MARCHF8: variants seen among roughly 807,000 people sequenced by gnomAD.
The protein encoded by MARCHF8 is E3 ubiquitin-protein ligase MARCHF8.
Under a neutral mutation model 51.6 loss-of-function variants are expected in MARCHF8, and 40 were observed. That is an observed-to-expected ratio of 0.77 (90% CI 0.60 to 1.01). The LOEUF is 1.01. Ranked by LOEUF, MARCHF8 falls within the 50% of genes least tolerant of loss-of-function variation. The probability of loss-of-function intolerance (pLI) is 0.00; values close to 1 mark genes in which losing one functional copy is unlikely to be tolerated. For synonymous variants in MARCHF8, 263 were observed against 280.3 expected (o/e 0.94, Z 0.62); for missense variants, 685 against 708.6 (o/e 0.97, Z 0.38).
intron 3 of MARCHF8, among the ~76,000 whole-genome samples, chr10:45,478,195 A>G (rs2042821211): frequency 6.6e-6 from 1 of 152,224 alleles, no homozygotes; most frequent in African/African-American, 2.4e-5. Flanking sequence ...AAAAATTGAA[A>G]TCATGTCAAG....
At chr10:45,594,786 C>T (rs1449182261) in exon 1 of MARCHF8, 1 of 152,382 alleles carries the variant, frequency 6.6e-6, no homozygotes, top group African/African-American at 2.4e-5. Flanking sequence ...GGGCTCTGAG[C>T]TGGCGGCGCT....
chr10:45,542,108 G>A (rs1344234317), intron 1 of MARCHF8, among the ~76,000 whole-genome samples: 2 of 152,154 alleles, frequency 1.3e-5, no homozygotes, highest in Non-Finnish European at 2.9e-5. Context: ...CACTCTGGGA[G>A]GCTGAGGCAG....
intron 1 of MARCHF8, among the ~76,000 whole-genome samples, chr10:45,558,923 A>G (rs1028691704): frequency 5.3e-5 from 8 of 152,248 alleles, no homozygotes; most frequent in Non-Finnish European, 1.0e-4. Flanking sequence ...TAGTAAAATC[A>G]GAAAAAAGAA....
intron 1 of MARCHF8, among the ~76,000 whole-genome samples, chr10:45,547,695 T>A (rs146083000): frequency 2.0e-5 from 3 of 152,204 alleles, no homozygotes; most frequent in Non-Finnish European, 2.9e-5. Context: ...TGTTCCTGTC[T>A]TTGTTGTAGT....
intron 3 of MARCHF8, among the ~76,000 whole-genome samples, chr10:45,488,498 C>T (rs528805347): frequency 5.9e-5 from 9 of 152,192 alleles, no homozygotes; most frequent in Admixed American, 1.3e-4. Flanking sequence ...ACCCATGGGA[C>T]GTGACCAACT....
chr10:45,583,023 A>C (rs1361827256), intron 1 of MARCHF8, among the ~76,000 whole-genome samples: 1 of 152,248 alleles, frequency 6.6e-6, no homozygotes, highest in African/African-American at 2.4e-5. Flanking sequence ...AAGGCAATGC[A>C]TAATATTTAA....
At chr10:45,567,127 A>G (rs1175810442) in intron 1 of MARCHF8, among the ~76,000 whole-genome samples, 3 of 152,010 alleles carry the variant, frequency 2.0e-5, no homozygotes, top group African/African-American at 7.2e-5. Context: ...GGATTATTAC[A>G]TTATTTTTTC....
intron 3 of MARCHF8, among the ~76,000 whole-genome samples, chr10:45,471,398 T>C (rs1385279397): frequency 6.6e-6 from 1 of 152,198 alleles, no homozygotes; most frequent in African/African-American, 2.4e-5. Flanking sequence ...ATAAATTACA[T>C]TGAAGACAAT....
At chr10:45,552,999 C>T (rs541912009) in intron 1 of MARCHF8, 2 of 152,146 alleles carry the variant, frequency 1.3e-5, no homozygotes, top group Non-Finnish European at 2.9e-5. Context: ...TCCATACAGG[C>T]ATATTACTTT....
chr10:45,473,520 G>C (rs912713560), intron 3 of MARCHF8, among the ~76,000 whole-genome samples: 2 of 152,200 alleles, frequency 1.3e-5, no homozygotes, highest in African/African-American at 2.4e-5. Context: ...TCCCAGGGTT[G>C]AATGAGAAGG....
chr10:45,539,210 G>T (rs1245631741), upstream of MARCHF8, among the ~76,000 whole-genome samples: 1 of 152,208 alleles, frequency 6.6e-6, no homozygotes, highest in Non-Finnish European at 1.5e-5. Flanking sequence ...ACCTGCCCCT[G>T]AATGACTACT....
At chr10:45,547,332 A>G (rs2044139375) in intron 1 of MARCHF8, among the ~76,000 whole-genome samples, 1 of 152,160 alleles carries the variant, frequency 6.6e-6, no homozygotes, top group South Asian at 2.1e-4. Context: ...GGAGGGAGAG[A>G]AACTTTTATC....
chr10:45,471,518 C>T (rs1442769791), intron 3 of MARCHF8, among the ~76,000 whole-genome samples: 1 of 152,226 alleles, frequency 6.6e-6, no homozygotes, highest in Non-Finnish European at 1.5e-5. Context: ...TTGTGAGTTA[C>T]TTATCACTCA....
chr10:45,544,548 A>C (rs1203924580), intron 1 of MARCHF8, among the ~76,000 whole-genome samples: 1 of 152,232 alleles, frequency 6.6e-6, no homozygotes, highest in African/African-American at 2.4e-5. Context: ...TAAAAGGAAA[A>C]AACCAATCAT....
At position 45,527,824 on chromosome 10, in the gene MARCHF8, CT is replaced by C. The variant is rs917368868; in HGVS notation, c.102+5285del. Reference sequence around the variant, plus strand: ...ACAGAAACAGAATCAATCAGTACCCCTAATGAACACAGATGCAAAAACGCTC... The same window carrying C: ...ACAGAAACAGAATCAATCAGTACCCCAATGAACACAGATGCAAAAACGCTC... On this transcript the variant is annotated intron_variant, in intron 2 of 7. Coordinates refer to ENST00000453424, the MANE Select transcript of MARCHF8 (RefSeq NM_001282866.2). Among the ~76,000 whole-genome samples, 95 of 152,228 alleles carry C rather than the reference CT, an allele frequency of 6.2e-4. 1 individual carries two copies. The highest frequency in any genetic ancestry group is 2.2e-3 in the African/African-American group (92 of 41,520).
At chr10:45,568,841 G>A (rs12777172) in intron 1 of MARCHF8, among the ~76,000 whole-genome samples, 9,363 of 151,886 alleles carry the variant, frequency 0.062, 331 homozygotes, top group Non-Finnish European at 0.067. Context: ...GCCCAAGGCA[G>A]GTGGATCACG....
At chr10:45,512,380 C>T (rs551864749) in intron 2 of MARCHF8, among the ~76,000 whole-genome samples, 2 of 150,824 alleles carry the variant, frequency 1.3e-5, no homozygotes, top group East Asian at 2.0e-4. Flanking sequence ...CCAGCCGCCC[C>T]GTCCAGGAGG....
intron 1 of MARCHF8, among the ~76,000 whole-genome samples, chr10:45,569,732 T>C (rs1406574700): frequency 2.6e-5 from 4 of 152,316 alleles, no homozygotes; most frequent in African/African-American, 9.6e-5. Context: ...CTTCAAGTAT[T>C]GATTTAGGGG....
chr10:45,585,220 C>T (rs907499451), intron 1 of MARCHF8, among the ~76,000 whole-genome samples: 1 of 152,094 alleles, frequency 6.6e-6, no homozygotes, highest in Non-Finnish European at 1.5e-5. Context: ...TCCTACAACC[C>T]AGCAGCTATA....
Sources: allele counts gnomAD v4.1 joint callset (sites outside exome capture counted in the v4.1 genomes callset), GRCh38; gene constraint gnomAD v4.1.1; transcripts MANE v1.5; gene names NCBI Gene and HGNC (gene_info 2026-07-23, HGNC 2026-07-21).